Variants in PIK3R3 observed in about 807,000 individuals in gnomAD.
The protein encoded by PIK3R3 is phosphatidylinositol 3-kinase regulatory subunit gamma.
PIK3R3 carries 64 observed loss-of-function variants against 62.9 expected under a neutral mutation model. The ratio of observed to expected loss-of-function variants is 1.02; its 90% CI spans 0.83 to 1.25. The LOEUF (loss-of-function observed/expected upper bound fraction) is 1.25, where lower values mean the gene tolerates loss of function less well. Among genes scored for constraint, PIK3R3 ranks in the 50% most tolerant of loss-of-function variants. PIK3R3 has a pLI of 0.00. For missense variants in PIK3R3, 614 were observed against 561.6 expected (o/e 1.09, Z -0.94); for synonymous variants, 165 against 189.0 (o/e 0.87, Z 1.04).
At chr1:46,126,072 T>C (rs1655069659) in intron 1 of PIK3R3, among the ~76,000 whole-genome samples, 1 of 152,154 alleles carries the variant, frequency 6.6e-6, no homozygotes, top group South Asian at 2.1e-4. Flanking sequence ...AATCTAGAGT[T>C]TCTAAGACCC....
At chr1:46,129,081 A>G (rs981310344) in intron 1 of PIK3R3, among the ~76,000 whole-genome samples, 2 of 152,142 alleles carry the variant, frequency 1.3e-5, no homozygotes, top group Non-Finnish European at 2.9e-5. Context: ...AGGAAAAAAA[A>G]AAAAAGAAGA....
At chr1:46,075,197 C>T (rs1438791598) in intron 3 of PIK3R3, among the ~76,000 whole-genome samples, 2 of 152,216 alleles carry the variant, frequency 1.3e-5, no homozygotes, top group Non-Finnish European at 2.9e-5. Context: ...AAACAGTTCA[C>T]AGCATGGACT....
chr1:46,129,041 A>G (rs913181533), intron 1 of PIK3R3, among the ~76,000 whole-genome samples: 1 of 152,022 alleles, frequency 6.6e-6, no homozygotes, highest in Admixed American at 6.6e-5. Flanking sequence ...ACTGCACTCC[A>G]GCCTGGGCAA....
the PIK3R3 span, among the ~76,000 whole-genome samples, chr1:46,149,532 T>G: frequency 6.6e-6 from 1 of 151,894 alleles, no homozygotes; most frequent in Non-Finnish European, 1.5e-5. Flanking sequence ...GTGTGGTTTT[T>G]GTTTTTGTTT....
intron 3 of PIK3R3, among the ~76,000 whole-genome samples, chr1:46,073,836 A>G (rs1571416144): frequency 7.2e-6 from 1 of 139,386 alleles, no homozygotes. Context: ...GGGTTTCACC[A>G]TGTTGGCCAG....
chr1:46,062,216 G>T, intron 5 of PIK3R3, 145 bp from the exon 6 acceptor site: 1 of 652,732 alleles, frequency 1.5e-6, no homozygotes, highest in African/African-American at 1.8e-5. Context: ...CCTTGTTTAG[G>T]AGGACTAAAA....
chr1:46,141,419 C>T, the PIK3R3 span, among the ~76,000 whole-genome samples: 1 of 151,698 alleles, frequency 6.6e-6, no homozygotes, highest in Non-Finnish European at 1.5e-5. Context: ...TACAGGCGCC[C>T]ACCACCACGC....
intron 1 of PIK3R3, among the ~76,000 whole-genome samples, chr1:46,094,195 G>C (rs1408280834): frequency 1.3e-5 from 2 of 151,764 alleles, no homozygotes; most frequent in Non-Finnish European, 2.9e-5. Context: ...AAATCCCAAA[G>C]ATATCTATTT....
chr1:46,080,831 AG>A, intron 1 of PIK3R3, 81 bp from the exon 2 acceptor site: 1 of 818,164 alleles, frequency 1.2e-6, no homozygotes, highest in Non-Finnish European at 2.1e-6. Flanking sequence ...TCACTAACCA[AG>A]GTATGTTAAG....
Position 46,077,541 on chromosome 1 carries a change from C to T in PIK3R3, c.288G>A (p.Met96Ile). The T allele has an allele frequency of 1.2e-6, 2 of 1,610,920 alleles. No homozygotes were observed. The highest frequency in any genetic ancestry group is 8.5e-7 in the Non-Finnish European group (1 of 1,177,144). ...GCAAAGTCAAAGTATAATCTCCCTG[C>T]ATTTTTGTTGAGGCATCTCGGACCA... ...TFLVRDASTK[M>I]QGDYTLTLRK... Residue 96 changes from methionine to isoleucine, a missense_variant, in exon 3 of 10, where the codon ATG becomes ATA. Transcript: ENST00000262741.
At chr1:46,150,148 T>C in the PIK3R3 span, among the ~76,000 whole-genome samples, 1 of 152,196 alleles carries the variant, frequency 6.6e-6, no homozygotes, top group Non-Finnish European at 1.5e-5. Context: ...CCCCCATCCC[T>C]TCATATTGAT....
the PIK3R3 span, among the ~76,000 whole-genome samples, chr1:46,167,601 G>C: frequency 6.6e-6 from 1 of 152,198 alleles, no homozygotes; most frequent in East Asian, 1.9e-4. Flanking sequence ...TCTCCCAGCT[G>C]TAGTCTCACC....
chr1:46,113,789 T>C (rs2149458124), intron 1 of PIK3R3, among the ~76,000 whole-genome samples: 1 of 152,326 alleles, frequency 6.6e-6, no homozygotes, highest in Middle Eastern at 3.4e-3. Flanking sequence ...GAGACAGGGC[T>C]AGGTATTGAA....
At chr1:46,093,646 T>C (rs1262423027) in intron 1 of PIK3R3, among the ~76,000 whole-genome samples, 1 of 152,006 alleles carries the variant, frequency 6.6e-6, no homozygotes, top group Non-Finnish European at 1.5e-5. Flanking sequence ...TCCTAGCACT[T>C]TGGGAGGCCT....
chr1:46,152,560 C>CTT, the PIK3R3 span, among the ~76,000 whole-genome samples: 270 of 124,472 alleles, frequency 2.2e-3, 3 homozygotes, highest in South Asian at 0.011. Flanking sequence ...TGATTAACAT[C>CTT]TTTTTTTTTT....
intron 1 of PIK3R3, among the ~76,000 whole-genome samples, chr1:46,109,730 CCTCAGCCTCCCAAAGTTCT>C (rs1653563881): frequency 6.6e-6 from 1 of 152,154 alleles, no homozygotes; most frequent in Non-Finnish European, 1.5e-5. Flanking sequence ...GATCCGCCCA[CCTCAGCCTCCCAAAGTTCT>C]GGGATTACAG....
intron 1 of PIK3R3, among the ~76,000 whole-genome samples, chr1:46,093,836 CAG>C (rs1651865460): frequency 7.1e-6 from 1 of 141,490 alleles, no homozygotes; most frequent in Non-Finnish European, 1.5e-5. Flanking sequence ...GTCTGGGTGA[CAG>C]AGTGAGACTC....
chr1:46,157,635 G>A, the PIK3R3 span, among the ~76,000 whole-genome samples: 20 of 152,224 alleles, frequency 1.3e-4, no homozygotes, highest in Non-Finnish European at 2.6e-4. Context: ...TCAATTCTTC[G>A]TCTCTCAATT....
chr1:46,128,085 T>C (rs1655250241), intron 1 of PIK3R3, among the ~76,000 whole-genome samples: 1 of 152,194 alleles, frequency 6.6e-6, no homozygotes, highest in African/African-American at 2.4e-5. Context: ...AAAATAGTTT[T>C]TGAGGCCACT....
Sources: allele counts gnomAD v4.1 joint callset (sites outside exome capture counted in the v4.1 genomes callset), GRCh38; gene constraint gnomAD v4.1.1; transcripts MANE v1.5; gene names NCBI Gene and HGNC (gene_info 2026-07-23, HGNC 2026-07-21).